Variants in CDH4 observed in about 807,000 individuals in gnomAD.
The protein encoded by CDH4 is cadherin-4.
Under a neutral mutation model 86.0 loss-of-function variants are expected in CDH4, and 33 were observed. The ratio of observed to expected loss-of-function variants is 0.38; its 90% CI spans 0.29 to 0.51. The LOEUF (loss-of-function observed/expected upper bound fraction) is 0.51, where lower values mean the gene tolerates loss of function less well. CDH4 is among the 20% of genes least tolerant of loss of function. The probability of loss-of-function intolerance (pLI) is 0.86; values close to 1 mark genes in which losing one functional copy is unlikely to be tolerated. For synonymous variants in CDH4, 555 were observed against 549.4 expected (o/e 1.01, Z -0.14); for missense variants, 1,114 against 1,307.4 (o/e 0.85, Z 2.28).
intron 5 of CDH4, among the ~76,000 whole-genome samples, chr20:61,845,185 A>G (rs1277676367): frequency 6.6e-6 from 1 of 152,186 alleles, no homozygotes; most frequent in African/African-American, 2.4e-5. Flanking sequence ...ACCAGCTGCG[A>G]TGCTCCCTCG....
At chr20:61,310,002 G>A (rs1260046296) in intron 2 of CDH4, among the ~76,000 whole-genome samples, 1 of 152,164 alleles carries the variant, frequency 6.6e-6, no homozygotes, top group Non-Finnish European at 1.5e-5. Context: ...AGATGAATTT[G>A]TTTGCAGGAC....
At chr20:61,446,214 C>T (rs936550438) in intron 2 of CDH4, among the ~76,000 whole-genome samples, 2 of 152,208 alleles carry the variant, frequency 1.3e-5, no homozygotes, top group East Asian at 3.8e-4. Context: ...ATGTAAAATA[C>T]ATTTATTAGA....
At chr20:61,832,836 C>T (rs944142348) in intron 4 of CDH4, among the ~76,000 whole-genome samples, 44 of 152,158 alleles carry the variant, frequency 2.9e-4, no homozygotes, top group Admixed American at 9.8e-4. Context: ...GGGAAGCATC[C>T]GTTGTCATTA....
intron 2 of CDH4, among the ~76,000 whole-genome samples, chr20:61,674,883 A>G (rs1242531442): frequency 9.2e-5 from 14 of 152,210 alleles, no homozygotes; most frequent in Admixed American, 9.2e-4. Flanking sequence ...CCTATTTTGT[A>G]AATAAAGTTT....
At chr20:61,532,014 G>T (rs6061272) in intron 2 of CDH4, among the ~76,000 whole-genome samples, 1 of 152,188 alleles carries the variant, frequency 6.6e-6, no homozygotes, top group Non-Finnish European at 1.5e-5. Flanking sequence ...GGAAAGCGTC[G>T]GCCAGTCTCA....
chr20:61,399,322 C>T (rs1381299635), intron 2 of CDH4, among the ~76,000 whole-genome samples: 1 of 69,574 alleles, frequency 1.4e-5, no homozygotes. Flanking sequence ...TTAGTAGAGA[C>T]GGGGTTTCAC....
chr20:61,805,594 C>T (rs564753336), intron 4 of CDH4, among the ~76,000 whole-genome samples: 34 of 152,342 alleles, frequency 2.2e-4, no homozygotes, highest in African/African-American at 3.4e-4. Flanking sequence ...CCGGGGGTCT[C>T]GGACCCACCC....
intron 4 of CDH4, among the ~76,000 whole-genome samples, chr20:61,839,615 T>A (rs1386384799): frequency 6.8e-6 from 1 of 146,342 alleles, no homozygotes; most frequent in African/African-American, 2.7e-5. Flanking sequence ...TGTTGTGTGT[T>A]TGTGTACTGT....
intron 2 of CDH4, among the ~76,000 whole-genome samples, chr20:61,622,342 G>A (rs1041607083): frequency 2.0e-5 from 3 of 152,262 alleles, no homozygotes; most frequent in Non-Finnish European, 2.9e-5. Context: ...CCCCTGCTAT[G>A]TACTCCCTGG....
chr20:61,788,299 G>A (rs910911430), intron 4 of CDH4, among the ~76,000 whole-genome samples: 7 of 152,202 alleles, frequency 4.6e-5, no homozygotes. Context: ...TGAGGAGCTG[G>A]AGTGTGGCAG....
In CDH4 at chr20:61,807,052, A is replaced by C. The variant is rs1305954787; in HGVS notation, c.576+33870A>C. ...AATAATGGGTTGCTAAGAAACTGAC[A>C]CAGGAGATGATTTTGAAAATGTCTC... On this transcript the variant is annotated intron_variant, in intron 4 of 15. Transcript: ENST00000614565. The surrounding 1 kb of genome is among the most constrained non-coding windows in gnomAD (Gnocchi z 4.5). Among the ~76,000 whole-genome samples the C allele has an allele frequency of 1.3e-5, 2 of 152,154 alleles. No individual in the cohort carries two copies. Among genetic ancestry groups the C allele is most frequent in the Non-Finnish European group, 2.9e-5 (2 of 68,018 alleles).
At chr20:61,658,276 T>A (rs1669955330) in intron 2 of CDH4, among the ~76,000 whole-genome samples, 1 of 151,948 alleles carries the variant, frequency 6.6e-6, no homozygotes, top group African/African-American at 2.4e-5. Context: ...CGAGTCACCA[T>A]CCTCTCCGAG....
chr20:61,597,246 C>T (rs946907087), intron 2 of CDH4, among the ~76,000 whole-genome samples: 5 of 152,204 alleles, frequency 3.3e-5, no homozygotes, highest in African/African-American at 4.8e-5. Context: ...TTCCATCCCC[C>T]GATCTACAGA....
intron 2 of CDH4, among the ~76,000 whole-genome samples, chr20:61,483,867 T>C (rs6121635): frequency 0.059 from 9,018 of 152,200 alleles, 949 homozygotes; most frequent in African/African-American, 0.21. Context: ...GGGGTGGTTA[T>C]GCAGCCAAAG....
chr20:61,384,436 G>T (rs764542106), intron 2 of CDH4, among the ~76,000 whole-genome samples: 1 of 152,152 alleles, frequency 6.6e-6, no homozygotes, highest in Non-Finnish European at 1.5e-5. Context: ...AGAGAAGGCC[G>T]TGCTTCCACA....
At chr20:61,418,488 G>T (rs951498049) in intron 2 of CDH4, among the ~76,000 whole-genome samples, 1 of 152,158 alleles carries the variant, frequency 6.6e-6, no homozygotes, top group Non-Finnish European at 1.5e-5. Context: ...TGGGATTACA[G>T]GCTTGAGCCA....
At chr20:61,444,206 A>G (rs1168180349) in intron 2 of CDH4, among the ~76,000 whole-genome samples, 1 of 29,250 alleles carries the variant, frequency 3.4e-5, no homozygotes, top group African/African-American at 1.3e-4. Context: ...GTGTCTGTGT[A>G]TCTGTATATG....
At chr20:61,816,639 A>C (rs557535895) in intron 4 of CDH4, among the ~76,000 whole-genome samples, 99 of 150,880 alleles carry the variant, frequency 6.6e-4, no homozygotes, top group Non-Finnish European at 1.2e-3. Flanking sequence ...ACCCTAAGGC[A>C]GGCGGGCATT....
intron 6 of CDH4, among the ~76,000 whole-genome samples, chr20:61,872,349 T>C (rs1179028918): frequency 6.6e-6 from 1 of 152,136 alleles, no homozygotes; most frequent in African/African-American, 2.4e-5. Flanking sequence ...GGACGGGGCT[T>C]TGGGGATGAG....
Sources: gnomAD v4.1 joint callset for allele counts (sites outside exome capture counted in the v4.1 genomes callset) on GRCh38, gnomAD v4.1.1 for gene constraint, Gnocchi (gnomAD v3.1) non-coding constraint, MANE v1.5 for transcripts, NCBI Gene and HGNC (gene_info 2026-07-23, HGNC 2026-07-21) for gene names.